The following LAIR1 variants were observed in gnomAD, a reference collection of about 807,000 sequenced individuals.
LAIR1 encodes the protein leukocyte-associated immunoglobulin-like receptor 1.
Under a neutral mutation model 32.8 loss-of-function variants are expected in LAIR1, and 24 were observed. The observed-to-expected ratio is 0.73, with a 90% CI of 0.53 to 1.03. LAIR1 has a LOEUF of 1.03. LAIR1 is among the 50% of genes least tolerant of loss of function. LAIR1 has a pLI of 0.00. For synonymous variants in LAIR1, 150 were observed against 140.5 expected (o/e 1.07, Z -0.48); for missense variants, 355 against 347.5 (o/e 1.02, Z -0.17).
Position 54,355,171 on chromosome 19 carries a change from G to T in LAIR1, c.*97C>A. On this transcript the variant is annotated 3_prime_UTR_variant, in exon 10 of 10. Coordinates refer to ENST00000391742, the MANE Select transcript of LAIR1 (RefSeq NM_002287.6). This position sits in a 1 kb window ranked among gnomAD's most constrained non-coding sequence, Gnocchi z 4.7. The stretch of plus-strand genomic sequence containing the variant: ...CAGCTGCCTGGCTGGCTTTCTAGAT[G>T]AAGAGGAATCCAACAGGAAGCCTTC... The T allele has an allele frequency of 8.3e-7, 1 of 1,208,102 alleles. No homozygotes were observed. The highest frequency in any genetic ancestry group is 1.2e-6 in the Non-Finnish European group (1 of 863,380). 74.8% of individuals were successfully genotyped at this position (1,208,102 alleles called of 1,614,324 possible).
At chr19:54,356,846 T>C in intron 5 of LAIR1, 82 bp downstream of exon 5, 1 of 1,543,412 alleles carries the variant, frequency 6.5e-7, no homozygotes, top group Non-Finnish European at 8.9e-7. Flanking sequence ...AGCAGGAATC[T>C]GATCAACCCC....
At chr19:54,373,568 C>T (rs2082456141), upstream of LAIR1, among the ~76,000 whole-genome samples, 1 of 152,210 alleles carries the variant, frequency 6.6e-6, no homozygotes, top group African/African-American at 2.4e-5. Flanking sequence ...CTCAACCTAG[C>T]TCTTAGTGTA....
chr19:54,375,861 T>C, the LAIR1 span, among the ~76,000 whole-genome samples: 3 of 151,804 alleles, frequency 2.0e-5, no homozygotes, highest in Admixed American at 6.6e-5. Context: ...AAGTCATATA[T>C]AGCATATTAA....
rs1023916601 is a variant in LAIR1, at chr19:54,356,024, T to C, written c.665-18A>G. 7 of 1,598,422 alleles carry C rather than the reference T, an allele frequency of 4.4e-6. No homozygotes were observed. Among genetic ancestry groups the C allele is most frequent in the African/African-American group, 2.7e-5 (2 of 74,538 alleles). ...GGCCTTGTCTTGGGGAGAAAATACA[T>C]GGTCAGTTTTCTGGGGAGGATGTCG... On this transcript the variant is annotated intron_variant, in intron 8 of 9. Transcript: ENST00000391742.
At chr19:54,359,276 C>T (rs1220506026) in intron 4 of LAIR1, among the ~76,000 whole-genome samples, 1 of 151,884 alleles carries the variant, frequency 6.6e-6, no homozygotes, top group Non-Finnish European at 1.5e-5. Context: ...CCGTGTCCTC[C>T]CCTGGGAGTT....
chr19:54,356,045 T>A, intron 8 of LAIR1, 39 bp from the exon 9 acceptor site: 1 of 1,536,584 alleles, frequency 6.5e-7, no homozygotes, highest in South Asian at 1.1e-5. Flanking sequence ...CTGGGGAGGA[T>A]GTCGCAAGGC....
intron 4 of LAIR1, chr19:54,358,163 G>C (rs1353549563): frequency 3.5e-5 from 5 of 141,196 alleles, no homozygotes; most frequent in Admixed American, 7.3e-5. Context: ...ATAAACCTAT[G>C]ATTAAATATA....
chr19:54,366,723 C>T (rs1382799545), upstream of LAIR1, among the ~76,000 whole-genome samples: 4 of 152,212 alleles, frequency 2.6e-5, no homozygotes, highest in Admixed American at 2.0e-4. Context: ...CTCCTGACCT[C>T]GTGATCCACC....
upstream of LAIR1, chr19:54,368,049 G>A (rs1329038293): frequency 6.6e-6 from 1 of 152,012 alleles, no homozygotes; most frequent in Non-Finnish European, 1.5e-5. Flanking sequence ...TGGGATTACA[G>A]GCGTGAGCCA....
chr19:54,358,482 T>A, intron 4 of LAIR1: 1 of 1,417,082 alleles, frequency 7.1e-7, no homozygotes. Flanking sequence ...CATATATTTT[T>A]ATCTGTATAT....
At chr19:54,365,831 A>G (rs1962688812), upstream of LAIR1, among the ~76,000 whole-genome samples, 2 of 152,128 alleles carry the variant, frequency 1.3e-5, no homozygotes, top group Non-Finnish European at 2.9e-5. Flanking sequence ...AACTCCCCTG[A>G]TCACTGCAGC....
chr19:54,368,684 G>GATTTATTTATTTATTTATTT (rs79267770), upstream of LAIR1: 15 of 151,504 alleles, frequency 9.9e-5, no homozygotes, highest in African/African-American at 3.2e-4. Flanking sequence ...TTTGTTGACT[G>GATTTATTTATTTATTTATTT]ATTTATTTAT....
In LAIR1 at chr19:54,351,444, G is replaced by A. The variant is rs1302420269; in HGVS notation, c.*3824C>T. ...AGATATAGTTTACTTTCTTCACACA[G>A]ATGCCAGAAATTTTCTATGAACGTA... On this transcript the variant is annotated 3_prime_UTR_variant, in exon 10 of 10. Transcript: ENST00000391742. 3 of 152,146 alleles carry A rather than the reference G, an allele frequency of 2.0e-5. No homozygotes were observed. Among genetic ancestry groups the A allele is most frequent in the Non-Finnish European group, 2.9e-5 (2 of 68,040 alleles). 9.4% of individuals were successfully genotyped at this position (152,146 alleles called of 1,614,324 possible).
rs1191697849 is a variant in LAIR1 at position 54,364,816 on chromosome 19, C to T, written c.-12G>A. The T allele has an allele frequency of 6.2e-7, 1 of 1,614,136 alleles. No individual in the cohort carries two copies. Among genetic ancestry groups the T allele is most frequent in the Admixed American group, 1.7e-5 (1 of 60,016 alleles). ...GGGTGGGGAGACATGGCCCAGGTCCCAGCAGTGCAGCCTGGCCTGAGGCGC... is the reference window on the plus strand; with the variant it reads ...GGGTGGGGAGACATGGCCCAGGTCCTAGCAGTGCAGCCTGGCCTGAGGCGC... On this transcript the variant is annotated 5_prime_UTR_variant, in exon 1 of 10. Transcript: ENST00000391742. The surrounding 1 kb of genome is among the most constrained non-coding windows in gnomAD (Gnocchi z 4.8).
At chr19:54,372,939 T>A (rs963158093), upstream of LAIR1, among the ~76,000 whole-genome samples, 1 of 151,256 alleles carries the variant, frequency 6.6e-6, no homozygotes. Context: ...GAGTCCAGCC[T>A]GGCCAACCTG....
At chr19:54,356,748 C>A (rs2081734725) in intron 5 of LAIR1, 129 bp from the exon 6 acceptor site, 7 of 1,186,836 alleles carry the variant, frequency 5.9e-6, no homozygotes, top group African/African-American at 1.5e-5. Flanking sequence ...AATAGTCCTG[C>A]AGTACAGGGA....
At position 54,361,074 on chromosome 19, in the gene LAIR1, T is replaced by C. The variant is rs776061455; in HGVS notation, c.206A>G (p.Asn69Ser). The part of the protein sequence containing the change: ...RLERDSRSTY[N>S]DTEDVSQASP... ...AGCTTGAGACACATCTTCAGTATCA[T>C]TGTATGTGGATCTACTGTCCCTCTC... is the stretch of plus-strand genomic sequence containing the variant. The change falls in exon 3 of 10, where the codon AAT (asparagine) becomes AGT (serine). Residue 69 changes from asparagine to serine, a missense_variant. Transcript: ENST00000391742. 6.2e-7 allele frequency: 1 copy of C among 1,614,244 alleles called. No individual in the cohort carries two copies. Among genetic ancestry groups the C allele is most frequent in the South Asian group, 1.1e-5 (1 of 91,088 alleles).
intron 2 of LAIR1, among the ~76,000 whole-genome samples, chr19:54,361,619 A>G (rs1376155151): frequency 6.9e-6 from 1 of 144,798 alleles, no homozygotes; most frequent in Non-Finnish European, 1.5e-5. Flanking sequence ...GGCTCTGGAG[A>G]TGGCTTGTGC....
chr19:54,364,795 G>T lies in LAIR1; in HGVS notation c.10C>A (p.His4Asn), dbSNP rs758286898. Residue 4 changes from histidine (H) to asparagine (N), a missense_variant, in exon 1 of 10, where the codon CAC becomes AAC. By Grantham distance (68) the His-to-Asn change is moderately conservative. Coordinates refer to ENST00000391742, the MANE Select transcript of LAIR1 (RefSeq NM_002287.6). The surrounding 1 kb of genome is among the most constrained non-coding windows in gnomAD (Gnocchi z 4.8). The part of the protein sequence containing the change: MSP[H>N]PTALLGLVLC... ...CCTAGGCCCAGGAGGGCGGTGGGGT[G>T]GGGAGACATGGCCCAGGTCCCAGCA... 2.5e-6 allele frequency: 4 copies of T among 1,614,050 alleles called. No individual in the cohort carries two copies. The highest frequency in any genetic ancestry group is 3.4e-6 in the Non-Finnish European group (4 of 1,179,924).
Sources: allele counts gnomAD v4.1 joint callset (sites outside exome capture counted in the v4.1 genomes callset), GRCh38; gene constraint gnomAD v4.1.1; non-coding constraint Gnocchi (gnomAD v3.1); transcripts MANE v1.5; gene names NCBI Gene and HGNC (gene_info 2026-07-23, HGNC 2026-07-21).